GALNTL6: variants seen among roughly 807,000 people sequenced by gnomAD.
GALNTL6 encodes polypeptide N-acetylgalactosaminyltransferase-like 6.
In GALNTL6, 46 loss-of-function variants were observed where a neutral mutation model predicts 73.7. The ratio of observed to expected loss-of-function variants is 0.62; its 90% CI spans 0.49 to 0.80. The LOEUF is 0.80. GALNTL6 is among the 30% of genes least tolerant of loss of function. GALNTL6 has a pLI of 0.00. For missense variants in GALNTL6, 604 were observed against 755.0 expected, an observed-to-expected ratio of 0.80 and a Z score of 2.34; for synonymous variants, 259 against 263.7, an observed-to-expected ratio of 0.98 and a Z score of 0.17.
At chr4:172,259,552 T>G (rs908464764) in intron 3 of GALNTL6, among the ~76,000 whole-genome samples, 1 of 151,632 alleles carries the variant, frequency 6.6e-6, no homozygotes, top group African/African-American at 2.4e-5. Flanking sequence ...TCTCCCACTC[T>G]GTGGGTTATC....
chr4:172,277,777 A>G (rs900440299), intron 3 of GALNTL6, among the ~76,000 whole-genome samples: 31 of 152,220 alleles, frequency 2.0e-4, no homozygotes, highest in Admixed American at 1.3e-4. Context: ...CTACCCTTGA[A>G]TGTAGTGGTT....
chr4:172,250,180 A>T (rs1225796816), intron 3 of GALNTL6, among the ~76,000 whole-genome samples: 3 of 152,062 alleles, frequency 2.0e-5, no homozygotes, highest in Non-Finnish European at 1.5e-5. Flanking sequence ...ACCTTACATC[A>T]GTGTGACTCC....
intron 2 of GALNTL6, among the ~76,000 whole-genome samples, chr4:171,949,009 A>G (rs1738786404): frequency 6.6e-6 from 1 of 151,904 alleles, no homozygotes; most frequent in Non-Finnish European, 1.5e-5. Flanking sequence ...ACACTCACTG[A>G]GTTGACATGA....
At chr4:172,375,433 G>C (rs1438032299) in intron 5 of GALNTL6, among the ~76,000 whole-genome samples, 1 of 152,118 alleles carries the variant, frequency 6.6e-6, no homozygotes, top group East Asian at 1.9e-4. Context: ...GCATTTCAAG[G>C]GTGAGCCTCT....
intron 4 of GALNTL6, among the ~76,000 whole-genome samples, chr4:172,346,097 T>G (rs1372532722): frequency 6.6e-6 from 1 of 152,200 alleles, no homozygotes; most frequent in Non-Finnish European, 1.5e-5. Context: ...ACTGGAATGG[T>G]GAGTGCTAAG....
chr4:172,216,365 T>C (rs1178530422), intron 2 of GALNTL6, among the ~76,000 whole-genome samples: 1 of 152,056 alleles, frequency 6.6e-6, no homozygotes, highest in Non-Finnish European at 1.5e-5. Context: ...AATATTTCAT[T>C]CCAAACTCTT....
chr4:172,470,563 A>G (rs1214262733), intron 5 of GALNTL6, among the ~76,000 whole-genome samples: 1 of 152,230 alleles, frequency 6.6e-6, no homozygotes, highest in Non-Finnish European at 1.5e-5. Flanking sequence ...GTCTATAAGA[A>G]GTGCCAGTAT....
chr4:172,876,569 C>T (rs1745203855), intron 7 of GALNTL6, among the ~76,000 whole-genome samples: 1 of 152,034 alleles, frequency 6.6e-6, no homozygotes, highest in African/African-American at 2.4e-5. Flanking sequence ...TCAAAATGAC[C>T]CCCAGCCCAG....
At chr4:172,460,793 G>A (rs1043630541) in intron 5 of GALNTL6, among the ~76,000 whole-genome samples, 2 of 152,206 alleles carry the variant, frequency 1.3e-5, no homozygotes, top group Non-Finnish European at 1.5e-5. Flanking sequence ...TTCAACTATT[G>A]TGGAAGACAG....
chr4:172,899,790 T>A (rs1042126659), intron 8 of GALNTL6, among the ~76,000 whole-genome samples: 1 of 152,202 alleles, frequency 6.6e-6, no homozygotes, highest in African/African-American at 2.4e-5. Flanking sequence ...TTCTTGATTG[T>A]TTGCTAAACA....
chr4:172,408,411 A>C (rs180779198), intron 5 of GALNTL6, among the ~76,000 whole-genome samples: 222 of 152,204 alleles, frequency 1.5e-3, no homozygotes, highest in African/African-American at 5.1e-3. Flanking sequence ...AATAAGTCCC[A>C]ACCTATATTA....
intron 4 of GALNTL6, among the ~76,000 whole-genome samples, chr4:172,313,783 A>C (rs1046719142): frequency 3.3e-5 from 5 of 152,226 alleles, no homozygotes; most frequent in Non-Finnish European, 5.9e-5. Flanking sequence ...TCATGTAGTA[A>C]GAAAAAAAGA....
chr4:171,844,223 A>G (rs1325440889), intron 2 of GALNTL6, among the ~76,000 whole-genome samples: 2 of 152,080 alleles, frequency 1.3e-5, no homozygotes, highest in East Asian at 3.9e-4. Context: ...CCAGTCCTTG[A>G]TTTGGAGGAT....
intron 5 of GALNTL6, among the ~76,000 whole-genome samples, chr4:172,491,579 A>T (rs928981601): frequency 6.6e-6 from 1 of 152,064 alleles, no homozygotes; most frequent in Non-Finnish European, 1.5e-5. Flanking sequence ...CTTGAGTATG[A>T]AGTTTACCAG....
chr4:172,921,080 G>A (rs917015698), intron 8 of GALNTL6, among the ~76,000 whole-genome samples: 2 of 152,084 alleles, frequency 1.3e-5, no homozygotes, highest in African/African-American at 2.4e-5. Flanking sequence ...AGAAGAAACC[G>A]CCAAGATAAT....
At chr4:172,247,276 T>TA (rs1737695392) in intron 3 of GALNTL6, among the ~76,000 whole-genome samples, 1 of 152,162 alleles carries the variant, frequency 6.6e-6, no homozygotes, top group South Asian at 2.1e-4. Context: ...TCTGGGACCC[T>TA]AGGGGCTCCT....
intron 2 of GALNTL6, chr4:171,815,370 T>G (rs1391463730): frequency 1.3e-5 from 2 of 152,522 alleles, no homozygotes; most frequent in African/African-American, 4.8e-5. Flanking sequence ...GAAACACCCA[T>G]ACTAAAGATA....
intron 2 of GALNTL6, among the ~76,000 whole-genome samples, chr4:172,105,918 A>T (rs1047403474): frequency 1.3e-5 from 2 of 149,656 alleles, no homozygotes; most frequent in Admixed American, 6.6e-5. Flanking sequence ...ATAAATTTTT[A>T]AAAAATGCTA....
At chr4:172,567,638 A>C (rs13114319) in intron 5 of GALNTL6, among the ~76,000 whole-genome samples, 72,475 of 151,968 alleles carry the variant, frequency 0.48, 19,003 homozygotes, top group East Asian at 0.68. Context: ...GAGTTGGAGA[A>C]CAGCCTGGCT....
Sources: gnomAD v4.1 joint callset for allele counts (sites outside exome capture counted in the v4.1 genomes callset) on GRCh38, gnomAD v4.1.1 for gene constraint, MANE v1.5 for transcripts, NCBI Gene and HGNC (gene_info 2026-07-23, HGNC 2026-07-21) for gene names.